PCDH15: variants seen among roughly 807,000 people sequenced by gnomAD.
The protein encoded by PCDH15 is protocadherin related 15.
In PCDH15, 129 loss-of-function variants were observed where a neutral mutation model predicts 178.5. The ratio of observed to expected loss-of-function variants is 0.72; its 90% confidence interval spans 0.63 to 0.84. The LOEUF (loss-of-function observed/expected upper bound fraction) is 0.84. PCDH15 is among the 40% of genes least tolerant of loss of function. The probability of loss-of-function intolerance (pLI) is 0.00; values close to 1 mark genes in which losing one functional copy is unlikely to be tolerated. For missense variants in PCDH15, 2,230 were observed against 2,099.9 expected, an observed-to-expected ratio of 1.06 and a Z score of -1.21; for synonymous variants, 800 against 732.0, an observed-to-expected ratio of 1.09 and a Z score of -1.50.
intron 2 of PCDH15, among the ~76,000 whole-genome samples, chr10:55,487,319 G>A (rs1840317015): frequency 6.6e-6 from 1 of 151,562 alleles, no homozygotes; most frequent in African/African-American, 2.4e-5. Context: ...AATCTCATAA[G>A]CACAACTGAG....
intron 1 of PCDH15, among the ~76,000 whole-genome samples, chr10:55,304,828 T>C (rs1843377636): frequency 6.6e-6 from 1 of 152,206 alleles, no homozygotes; most frequent in Non-Finnish European, 1.5e-5. Context: ...TATCCAATGA[T>C]TATCTGTATA....
At chr10:54,104,645 G>T (rs1174463308) in intron 15 of PCDH15, among the ~76,000 whole-genome samples, 1 of 149,392 alleles carries the variant, frequency 6.7e-6, no homozygotes, top group African/African-American at 2.5e-5. Flanking sequence ...AGACCATCCT[G>T]GTTGATACAG....
At chr10:54,357,696 G>A (rs1209987838) in intron 5 of PCDH15, among the ~76,000 whole-genome samples, 1 of 152,120 alleles carries the variant, frequency 6.6e-6, no homozygotes, top group East Asian at 1.9e-4. Context: ...AAAAGAGCCT[G>A]CATCGCCAAG....
At chr10:54,446,121 C>G (rs916422427) in intron 3 of PCDH15, among the ~76,000 whole-genome samples, 2 of 151,446 alleles carry the variant, frequency 1.3e-5, no homozygotes, top group African/African-American at 2.4e-5. Flanking sequence ...TCTTCTTAGG[C>G]CCAGCATTTC....
At chr10:55,446,350 A>C (rs1258443769) in intron 2 of PCDH15, among the ~76,000 whole-genome samples, 4 of 151,928 alleles carry the variant, frequency 2.6e-5, no homozygotes, top group Non-Finnish European at 2.9e-5. Context: ...AGAAACAAAA[A>C]GTTTATTTAA....
In PCDH15 at chr10:54,079,396, G is replaced by A. The variant is rs746162109; in HGVS notation, c.2026C>T (p.Leu676=). ...TAGCGATCAGTGCTTTCCCTGTCCA[G>A]TGCTTTCCCTAAGGTTAGAATCCCC... ...TTGILTLGKA[L]DRESTDRYIL... Residue 676 remains leucine, a synonymous_variant, in exon 17 of 38, where the codon CTG becomes TTG. Coordinates refer to ENST00000644397, the MANE Select transcript of PCDH15 (RefSeq NM_001384140.1). 7.4e-6 allele frequency: 12 copies of A among 1,613,946 alleles called. No homozygotes were observed. In the Admixed American group the frequency reaches 1.3e-4, roughly 18 times the overall value.
intron 21 of PCDH15, among the ~76,000 whole-genome samples, chr10:53,993,353 T>A (rs2091647124): frequency 6.6e-6 from 1 of 152,200 alleles, no homozygotes; most frequent in Non-Finnish European, 1.5e-5. Context: ...GACTAGTAAG[T>A]AGCAGGCTTA....
In PCDH15 at chr10:53,827,382, G is replaced by T. The variant is rs374786323; in HGVS notation, c.4367+11C>A. 1 of 1,604,298 alleles carries T rather than the reference G, an allele frequency of 6.2e-7. No individual in the cohort carries two copies. The highest frequency in any genetic ancestry group is 8.5e-7 in the Non-Finnish European group (1 of 1,173,774). On this transcript the variant is annotated intron_variant, in intron 32 of 37. Coordinates refer to ENST00000644397, the MANE Select transcript of PCDH15 (RefSeq NM_001384140.1). ...CAACTACTTCTCAGAGTTCCTGAAC[G>T]GTCTACTTACATTGAGCTGTCTCCA...
chr10:54,841,611 A>G (rs1441047782), intron 3 of PCDH15, among the ~76,000 whole-genome samples: 1 of 151,786 alleles, frequency 6.6e-6, no homozygotes, highest in Non-Finnish European at 1.5e-5. Context: ...ATTGTTAAAT[A>G]TATTTCAATA....
chr10:54,139,029 A>G (rs1209589994), intron 14 of PCDH15, among the ~76,000 whole-genome samples: 1 of 152,196 alleles, frequency 6.6e-6, no homozygotes, highest in East Asian at 1.9e-4. Flanking sequence ...CATTTTTGAT[A>G]AAATAAAAAT....
At chr10:54,599,927 C>G in intron 2 of PCDH15, 1 of 849,520 alleles carries the variant, frequency 1.2e-6, no homozygotes. Flanking sequence ...GAAGTGGCCA[C>G]TAAGGAGGAG....
chr10:55,220,357 T>G (rs993201344), intron 1 of PCDH15, among the ~76,000 whole-genome samples: 4 of 152,066 alleles, frequency 2.6e-5, no homozygotes, highest in African/African-American at 9.7e-5. Context: ...TATGGCACGA[T>G]ACAGGAATCT....
upstream of PCDH15, among the ~76,000 whole-genome samples, chr10:55,323,923 T>C (rs1041004764): frequency 1.2e-4 from 19 of 152,256 alleles, no homozygotes; most frequent in African/African-American, 4.3e-4. Context: ...TGAATTGTAA[T>C]AATGCCCATG....
intron 3 of PCDH15, among the ~76,000 whole-genome samples, chr10:54,875,334 T>G (rs1296100173): frequency 6.6e-6 from 1 of 152,160 alleles, no homozygotes; most frequent in East Asian, 1.9e-4. Flanking sequence ...TGGCTGTTCC[T>G]CCTTCTCTCT....
At chr10:55,279,784 C>A (rs1842681441) in intron 1 of PCDH15, among the ~76,000 whole-genome samples, 1 of 152,114 alleles carries the variant, frequency 6.6e-6, no homozygotes, top group African/African-American at 2.4e-5. Context: ...AAGGACTGAG[C>A]CCATGAGTGA....
intron 5 of PCDH15, among the ~76,000 whole-genome samples, chr10:54,358,379 G>C (rs868485170): frequency 2.0e-5 from 3 of 151,926 alleles, no homozygotes; most frequent in African/African-American, 7.3e-5. Context: ...CTCAAAAGAA[G>C]ACATTTATGC....
At chr10:55,262,187 G>C (rs1176360635) in intron 1 of PCDH15, among the ~76,000 whole-genome samples, 1 of 148,938 alleles carries the variant, frequency 6.7e-6, no homozygotes, top group Non-Finnish European at 1.5e-5. Flanking sequence ...GAGGGAAAGG[G>C]AGTGAGAAAG....
intron 7 of PCDH15, among the ~76,000 whole-genome samples, chr10:54,327,356 A>C (rs1342302): frequency 0.7 from 105,671 of 150,618 alleles, 37,798 homozygotes; most frequent in Middle Eastern, 0.81. Flanking sequence ...CCATATCTAC[A>C]GTTTTCACTC....
chr10:55,220,304 G>A (rs946844262), intron 1 of PCDH15, among the ~76,000 whole-genome samples: 5 of 151,740 alleles, frequency 3.3e-5, no homozygotes, highest in African/African-American at 7.3e-5. Flanking sequence ...TGTAAGTCTC[G>A]CTCTTTTTTT....
Sources: allele counts gnomAD v4.1 joint callset (sites outside exome capture counted in the v4.1 genomes callset), GRCh38; gene constraint gnomAD v4.1.1; transcripts MANE v1.5; gene names NCBI Gene and HGNC (gene_info 2026-07-23, HGNC 2026-07-21).